Variants in HDDC2 observed in about 807,000 individuals in gnomAD.
The protein encoded by HDDC2 is 5'-deoxynucleotidase HDDC2.
In HDDC2, 25 loss-of-function variants were observed where a neutral mutation model predicts 25.5. The observed-to-expected ratio is 0.98, with a 90% CI of 0.72 to 1.37. HDDC2 has a LOEUF of 1.37. Ranked by LOEUF, HDDC2 falls within the 40% of genes most tolerant of loss-of-function variation. The pLI, the probability that HDDC2 is intolerant of heterozygous loss-of-function variation, is 0.00. For synonymous variants in HDDC2, 106 were observed against 89.7 expected (o/e 1.18, Z -1.03); for missense variants, 264 against 253.1 (o/e 1.04, Z -0.29).
At chr6:125,291,185 A>G (rs1798626743) in intron 4 of HDDC2, among the ~76,000 whole-genome samples, 1 of 152,176 alleles carries the variant, frequency 6.6e-6, no homozygotes. Flanking sequence ...AGTTCATTTG[A>G]AAGTATATAC....
intron 4 of HDDC2, 45 bp downstream of exon 4, chr6:125,292,796 A>C: frequency 7.1e-7 from 1 of 1,415,202 alleles, no homozygotes; most frequent in Non-Finnish European, 1.0e-6. Flanking sequence ...GAGCCATATA[A>C]ATTCAGATAC....
In HDDC2 at chr6:125,276,043, G is replaced by T; in HGVS notation, c.*103C>A. 1 of 829,446 alleles carries T rather than the reference G, an allele frequency of 1.2e-6. No homozygotes were observed. The allele number at this position is 829,446 out of a possible 1,614,324, so 51.4% of individuals were successfully genotyped here. A position where few individuals can be genotyped will look rare whatever the true frequency, so the allele number is the denominator to read the frequency against. ...AAGTTCAGACAATTGAAAACAAACAGACTCACATCTAGGGAAATCAACAGA... is the reference window on the plus strand; with the variant it reads ...AAGTTCAGACAATTGAAAACAAACATACTCACATCTAGGGAAATCAACAGA... On this transcript the variant is annotated 3_prime_UTR_variant, in exon 6 of 6. Transcript: ENST00000398153.
intron 1 of HDDC2, among the ~76,000 whole-genome samples, chr6:125,301,442 T>TACACACACACACACACACACACACACAC (rs3039619): frequency 1.4e-5 from 2 of 145,096 alleles, no homozygotes; most frequent in Non-Finnish European, 3.0e-5. Context: ...AGCCGCGCTT[T>TACACACACACACACACACACACACACAC]ACACACACAC....
intron 4 of HDDC2, among the ~76,000 whole-genome samples, chr6:125,289,496 T>TAA (rs1320427805): frequency 7.7e-6 from 1 of 129,246 alleles, no homozygotes; most frequent in East Asian, 2.2e-4. Flanking sequence ...AAAAAAAAAT[T>TAA]AAAAAAAACA....
chr6:125,295,876 A>G (rs1466273321), intron 3 of HDDC2, among the ~76,000 whole-genome samples: 1 of 152,130 alleles, frequency 6.6e-6, no homozygotes, highest in Non-Finnish European at 1.5e-5. Context: ...GACATCATTT[A>G]TCAACCTGCA....
intron 4 of HDDC2, among the ~76,000 whole-genome samples, chr6:125,292,321 CAGCAGCACTGGGAAGGG>C (rs545080407): frequency 2.0e-3 from 298 of 152,200 alleles, no homozygotes; most frequent in Admixed American, 4.4e-3. Flanking sequence ...CCTTCACTGT[CAGCAGCACTGGGAAGGG>C]AGCAGCACTG....
At chr6:125,284,261 T>C (rs146730706) in intron 4 of HDDC2, among the ~76,000 whole-genome samples, 2 of 151,992 alleles carry the variant, frequency 1.3e-5, no homozygotes, top group African/African-American at 4.8e-5. Flanking sequence ...AGGCAAAGAC[T>C]TCATGACTAA....
chr6:125,283,425 T>C (rs1437801215), intron 4 of HDDC2, among the ~76,000 whole-genome samples: 1 of 152,210 alleles, frequency 6.6e-6, no homozygotes, highest in Non-Finnish European at 1.5e-5. Context: ...CCCCATTGTC[T>C]CAGCCCCAAA....
intron 3 of HDDC2, among the ~76,000 whole-genome samples, chr6:125,294,796 A>G (rs915757728): frequency 5.3e-5 from 8 of 152,226 alleles, no homozygotes; most frequent in African/African-American, 1.9e-4. Flanking sequence ...CTCATGCTAG[A>G]TACTATATTC....
chr6:125,299,087 C>G (rs1798755019), intron 2 of HDDC2, among the ~76,000 whole-genome samples: 1 of 152,102 alleles, frequency 6.6e-6, no homozygotes, highest in Admixed American at 6.5e-5. Flanking sequence ...TGAAATCTCA[C>G]TTTAAAAGGC....
intron 4 of HDDC2, among the ~76,000 whole-genome samples, chr6:125,292,216 A>G (rs984383663): frequency 1.3e-5 from 2 of 151,586 alleles, no homozygotes; most frequent in African/African-American, 2.4e-5. Flanking sequence ...GGAAAGGGGA[A>G]TTTTTTTTTC....
At chr6:125,291,472 G>A (rs1162130564) in intron 4 of HDDC2, among the ~76,000 whole-genome samples, 3 of 152,144 alleles carry the variant, frequency 2.0e-5, no homozygotes, top group Admixed American at 6.5e-5. Flanking sequence ...CTCAGTTGCC[G>A]GATGAAGATT....
intron 5 of HDDC2, 169 bp from the exon 6 acceptor site, chr6:125,276,412 C>G (rs947688461): frequency 6.7e-6 from 4 of 594,978 alleles, no homozygotes; most frequent in Non-Finnish European, 8.9e-6. Flanking sequence ...CTGAAGGGGA[C>G]CACTTGGCAT....
intron 3 of HDDC2, among the ~76,000 whole-genome samples, chr6:125,293,613 C>T (rs1292472252): frequency 1.3e-5 from 2 of 152,236 alleles, no homozygotes; most frequent in East Asian, 3.9e-4. Context: ...CAAGAGGCTG[C>T]CTTAGACAGT....
chr6:125,301,938 C>A lies in HDDC2; in HGVS notation c.-6G>T. 6.5e-7 allele frequency: 1 copy of A among 1,547,670 alleles called. No homozygotes were observed. On this transcript the variant is annotated 5_prime_UTR_variant, in exon 1 of 6. Transcript: ENST00000398153. ...GCAGAGGAGACCGAAGCCATGCGGC[C>A]ACCGACCCCGGCTGGGCGGAGCAGG...
chr6:125,277,356 G>T (rs918621867), intron 4 of HDDC2, 116 bp from the exon 5 acceptor site: 1 of 940,482 alleles, frequency 1.1e-6, no homozygotes, highest in South Asian at 1.6e-5. Flanking sequence ...ATTCTGTATC[G>T]GCCCCATTTC....
chr6:125,289,515 C>A (rs372172217), intron 4 of HDDC2, among the ~76,000 whole-genome samples: 23,500 of 140,926 alleles, frequency 0.17, 2,411 homozygotes, highest in African/African-American at 0.25. Context: ...CAAAACAAAA[C>A]AAAAAAAACA....
intron 4 of HDDC2, among the ~76,000 whole-genome samples, chr6:125,283,650 C>T (rs1350424035): frequency 1.3e-5 from 2 of 152,138 alleles, no homozygotes; most frequent in African/African-American, 4.8e-5. Flanking sequence ...CAAACCACTG[C>T]TCAAGGAAAT....
At chr6:125,301,599 T>C (rs1029164014) in intron 1 of HDDC2, among the ~76,000 whole-genome samples, 1 of 151,842 alleles carries the variant, frequency 6.6e-6, no homozygotes, top group Non-Finnish European at 1.5e-5. Context: ...AGTGCGGACC[T>C]CGCGGCGCCA....
Sources: gnomAD v4.1 joint callset for allele counts (sites outside exome capture counted in the v4.1 genomes callset) on GRCh38, gnomAD v4.1.1 for gene constraint, MANE v1.5 for transcripts, NCBI Gene and HGNC (gene_info 2026-07-23, HGNC 2026-07-21) for gene names.